The following ARHGAP26 variants were observed in gnomAD, a reference collection of about 807,000 sequenced individuals.
ARHGAP26 encodes the protein Rho GTPase activating protein 26, also known as rho GTPase-activating protein 26.
A neutral mutation model predicts 104.8 loss-of-function variants in ARHGAP26; 38 were observed. The observed-to-expected ratio is 0.36, with a 90% CI of 0.28 to 0.48. The LOEUF is 0.48. Among genes scored for constraint, ARHGAP26 ranks in the 20% least tolerant of loss-of-function variants. ARHGAP26 has a pLI of 0.99. For missense variants in ARHGAP26, 704 were observed against 947.9 expected (o/e 0.74, Z 3.38); for synonymous variants, 341 against 340.0 (o/e 1.00, Z -0.03).
chr5:142,861,806 T>G (rs1013604276), intron 1 of ARHGAP26, among the ~76,000 whole-genome samples: 1 of 152,136 alleles, frequency 6.6e-6, no homozygotes, highest in African/African-American at 2.4e-5. Flanking sequence ...AGGTGGAAAT[T>G]GAGTACCTTG....
At chr5:143,029,398 T>TG (rs1781544081) in intron 12 of ARHGAP26, among the ~76,000 whole-genome samples, 1 of 99,220 alleles carries the variant, frequency 1.0e-5, no homozygotes, top group Admixed American at 9.0e-5. Context: ...CTCAGTTTTT[T>TG]TTTTTTTTTT....
intron 21 of ARHGAP26, among the ~76,000 whole-genome samples, chr5:143,213,239 C>T (rs994858048): frequency 5.9e-5 from 9 of 152,162 alleles, no homozygotes; most frequent in Non-Finnish European, 1.2e-4. Context: ...CCAGGTGTTT[C>T]GGATGCACAG....
At chr5:143,118,480 A>G (rs1357132802) in intron 17 of ARHGAP26, among the ~76,000 whole-genome samples, 1 of 152,192 alleles carries the variant, frequency 6.6e-6, no homozygotes, top group East Asian at 1.9e-4. Flanking sequence ...TGTTAAAAAT[A>G]GTCGGGCAGG....
chr5:142,925,268 A>G (rs1300228274), intron 10 of ARHGAP26, among the ~76,000 whole-genome samples: 1 of 152,048 alleles, frequency 6.6e-6, no homozygotes, highest in Non-Finnish European at 1.5e-5. Flanking sequence ...TTGCACTTGC[A>G]CTGTTGTTTT....
chr5:142,953,363 G>A lies in ARHGAP26; in HGVS notation c.1107+21238G>A, dbSNP rs560718859. Among the ~76,000 whole-genome samples, 6 of 152,180 alleles carry A rather than the reference G, an allele frequency of 3.9e-5. No homozygotes were observed. In the East Asian group the frequency reaches 7.7e-4, roughly 20 times the overall value. ...GTAAATAGTTCCCTTTTTCCTTCTCGTGTACCTTTTTCTAGCCCTGTACGG... is the reference window on the plus strand; with the variant it reads ...GTAAATAGTTCCCTTTTTCCTTCTCATGTACCTTTTTCTAGCCCTGTACGG... On this transcript the variant is annotated intron_variant, in intron 11 of 22. Coordinates refer to ENST00000645722, the MANE Select transcript of ARHGAP26 (RefSeq NM_001135608.3).
intron 18 of ARHGAP26, among the ~76,000 whole-genome samples, chr5:143,124,110 T>A (rs371285979): frequency 6.6e-6 from 1 of 152,242 alleles, no homozygotes; most frequent in East Asian, 1.9e-4. Context: ...CAAGTTTGCT[T>A]GAAACAAGCC....
At chr5:142,946,155 C>T (rs1453556052) in intron 11 of ARHGAP26, among the ~76,000 whole-genome samples, 1 of 152,220 alleles carries the variant, frequency 6.6e-6, no homozygotes, top group African/African-American at 2.4e-5. Flanking sequence ...TCTAAAGCCT[C>T]TCTGACATAT....
chr5:142,783,729 G>C (rs1757979986), intron 1 of ARHGAP26, among the ~76,000 whole-genome samples: 1 of 152,246 alleles, frequency 6.6e-6, no homozygotes, highest in African/African-American at 2.4e-5. Flanking sequence ...AGCAGGGCTG[G>C]ATGACTGGGC....
At chr5:142,945,799 T>A (rs1187693204) in intron 11 of ARHGAP26, among the ~76,000 whole-genome samples, 1 of 152,208 alleles carries the variant, frequency 6.6e-6, no homozygotes, top group Non-Finnish European at 1.5e-5. Context: ...GACCTGGAAA[T>A]TAACACTGAT....
intron 12 of ARHGAP26, among the ~76,000 whole-genome samples, chr5:143,019,412 C>T (rs577632641): frequency 3.3e-5 from 5 of 152,170 alleles, no homozygotes; most frequent in South Asian, 2.1e-4. Flanking sequence ...GCTGCAGCCC[C>T]GTTTGCTGTA....
chr5:143,117,485 A>G (rs1371955791), intron 17 of ARHGAP26, among the ~76,000 whole-genome samples: 1 of 152,214 alleles, frequency 6.6e-6, no homozygotes. Context: ...GGATCAATTT[A>G]TTACTTCAGT....
At chr5:142,818,389 T>C (rs2152061736) in intron 1 of ARHGAP26, among the ~76,000 whole-genome samples, 1 of 152,260 alleles carries the variant, frequency 6.6e-6, no homozygotes, top group African/African-American at 2.4e-5. Context: ...CCCATAGGTG[T>C]GGCATTGCTG....
chr5:142,880,834 A>AAT (rs1756893641), intron 4 of ARHGAP26, among the ~76,000 whole-genome samples: 5 of 152,306 alleles, frequency 3.3e-5, no homozygotes, highest in African/African-American at 9.6e-5. Context: ...GGGCCTGCAA[A>AAT]AGATGATGTT....
chr5:142,837,649 G>A (rs1397936929), intron 1 of ARHGAP26, among the ~76,000 whole-genome samples: 1 of 152,148 alleles, frequency 6.6e-6, no homozygotes, highest in Non-Finnish European at 1.5e-5. Flanking sequence ...TGCAGTAGAA[G>A]ATACTTTTGA....
intron 5 of ARHGAP26, among the ~76,000 whole-genome samples, chr5:142,892,822 G>A (rs549698750): frequency 6.6e-6 from 1 of 152,076 alleles, no homozygotes; most frequent in East Asian, 1.9e-4. Context: ...TTTGTGTTGG[G>A]AACATTTCAT....
At chr5:142,961,010 T>C (rs2152659939) in intron 11 of ARHGAP26, among the ~76,000 whole-genome samples, 1 of 152,334 alleles carries the variant, frequency 6.6e-6, no homozygotes, top group South Asian at 2.1e-4. Context: ...CTTCCCCACC[T>C]CTAGAAGCTT....
At chr5:142,904,890 A>C (rs1409043451) in intron 8 of ARHGAP26, among the ~76,000 whole-genome samples, 2 of 152,214 alleles carry the variant, frequency 1.3e-5, no homozygotes, top group Non-Finnish European at 2.9e-5. Context: ...ATGGGATAGA[A>C]TAGAAATACT....
intron 18 of ARHGAP26, among the ~76,000 whole-genome samples, chr5:143,125,073 T>A (rs1004424910): frequency 6.6e-6 from 1 of 152,164 alleles, no homozygotes; most frequent in Non-Finnish European, 1.5e-5. Context: ...CTCATAAATA[T>A]CTAAAATTGG....
chr5:143,033,671 G>C (rs988410657), intron 12 of ARHGAP26, among the ~76,000 whole-genome samples: 1 of 152,122 alleles, frequency 6.6e-6, no homozygotes, highest in African/African-American at 2.4e-5. Flanking sequence ...GCAGAAGTTC[G>C]TCAATGCCTA....
Sources: gnomAD v4.1 joint callset for allele counts (sites outside exome capture counted in the v4.1 genomes callset) on GRCh38, gnomAD v4.1.1 for gene constraint, MANE v1.5 for transcripts, NCBI Gene and HGNC (gene_info 2026-07-23, HGNC 2026-07-21) for gene names.